TIPARP: variants seen among roughly 807,000 people sequenced by gnomAD.
TIPARP encodes the protein protein mono-ADP-ribosyltransferase TIPARP.
In TIPARP, 12 loss-of-function variants were observed where a neutral mutation model predicts 56.5. That is an observed-to-expected ratio of 0.21 (90% CI 0.14 to 0.34). TIPARP has a LOEUF of 0.34. Ranked by LOEUF, TIPARP falls within the 10% of genes least tolerant of loss-of-function variation. TIPARP has a pLI of 1.00. For missense variants in TIPARP, 604 were observed against 781.6 expected (o/e 0.77, Z 2.71); for synonymous variants, 296 against 265.7 (o/e 1.11, Z -1.11).
chr3:156,689,461 C>T (rs1421294497), intron 2 of TIPARP, among the ~76,000 whole-genome samples: 4 of 152,278 alleles, frequency 2.6e-5, no homozygotes, highest in Middle Eastern at 3.4e-3. Context: ...TAATATTTAG[C>T]AGTTGAATGG....
At position 156,693,873 on chromosome 3, in the gene TIPARP, T is replaced by G. The variant is rs564445338; in HGVS notation, c.918-147T>G. Reference sequence around the variant, plus strand: ...CTGTGGAAACAACCGGCAATAAATATGCTTTTACTCCAAGTAAAGCAAGTT... The same window carrying G: ...CTGTGGAAACAACCGGCAATAAATAGGCTTTTACTCCAAGTAAAGCAAGTT... On this transcript the variant is annotated intron_variant, in intron 2 of 5. Coordinates refer to ENST00000295924, the MANE Select transcript of TIPARP (RefSeq NM_015508.5). The G allele has an allele frequency of 1.3e-4, 121 of 914,886 alleles. No individual in the cohort carries two copies. In the African/African-American group the frequency reaches 1.8e-3, roughly 13 times the overall value. 56.7% of individuals were successfully genotyped at this position (914,886 alleles called of 1,614,324 possible).
At chr3:156,700,877 G>C (rs1311487647) in intron 4 of TIPARP, among the ~76,000 whole-genome samples, 1 of 152,210 alleles carries the variant, frequency 6.6e-6, no homozygotes, top group Admixed American at 6.5e-5. Context: ...TTGTGTAGAA[G>C]CTCAATTCCC....
intron 3 of TIPARP, 39 bp from the exon 4 acceptor site, chr3:156,695,826 C>CT (rs10631452): frequency 0.13 from 130,458 of 971,720 alleles, 603 homozygotes; most frequent in East Asian, 0.15. Context: ...ATTAACTTTC[C>CT]TTTTTTTTTT....
chr3:156,690,051 G>A (rs1722526150), intron 2 of TIPARP, among the ~76,000 whole-genome samples: 1 of 151,936 alleles, frequency 6.6e-6, no homozygotes, highest in Non-Finnish European at 1.5e-5. Context: ...CCAAATTAAT[G>A]TGTCTACTTT....
intron 4 of TIPARP, among the ~76,000 whole-genome samples, chr3:156,700,237 A>T (rs1204639643): frequency 1.3e-5 from 2 of 151,954 alleles, no homozygotes; most frequent in Non-Finnish European, 2.9e-5. Flanking sequence ...CCTCCCAAGT[A>T]GCTGGGACTT....
rs1722068339 is a variant in TIPARP at position 156,674,743 on chromosome 3, G to C, written c.-95G>C. 1 of 152,552 alleles carries C rather than the reference G, an allele frequency of 6.6e-6. No homozygotes were observed. Among genetic ancestry groups the C allele is most frequent in the Admixed American group, 6.5e-5 (1 of 15,290 alleles). 9.4% of individuals were successfully genotyped at this position (152,552 alleles called of 1,614,324 possible). A position where few individuals can be genotyped will look rare whatever the true frequency, so the allele number is the denominator to read the frequency against. ...CGCCCTCGGCGCTGATCTCCGGCGC[G>C]GGCACTGCTTTCCACTCGGCTCCTG... On this transcript the variant is annotated 5_prime_UTR_variant, in exon 1 of 6. Transcript: ENST00000295924.
chr3:156,703,321 A>C, intron 4 of TIPARP, 103 bp from the exon 5 acceptor site: 1 of 1,217,984 alleles, frequency 8.2e-7, no homozygotes, highest in Non-Finnish European at 1.1e-6. Flanking sequence ...CACTTAAGCT[A>C]TACAGATTAT....
At chr3:156,675,584 C>T (rs1401250435) in intron 1 of TIPARP, 1 of 152,302 alleles carries the variant, frequency 6.6e-6, no homozygotes, top group Non-Finnish European at 1.5e-5. Flanking sequence ...CGGGCGGCGC[C>T]TCAGCTGCAC....
chr3:156,682,562 T>TA (rs1416338260), intron 2 of TIPARP, among the ~76,000 whole-genome samples: 1 of 152,250 alleles, frequency 6.6e-6, no homozygotes, highest in Non-Finnish European at 1.5e-5. Context: ...CATATACTGT[T>TA]ACAGTCCCTA....
At chr3:156,704,223 C>T (rs928416480) in intron 5 of TIPARP, among the ~76,000 whole-genome samples, 1 of 152,170 alleles carries the variant, frequency 6.6e-6, no homozygotes, top group Non-Finnish European at 1.5e-5. Context: ...GCTTACTTTG[C>T]TGCAGGTCAT....
chr3:156,704,978 G>A lies in TIPARP; in HGVS notation c.1821G>A (p.Pro607=), dbSNP rs370438778. Residue 607 remains proline, a synonymous_variant, in exon 6 of 6, where the codon CCG becomes CCA. Coordinates refer to ENST00000295924, the MANE Select transcript of TIPARP (RefSeq NM_015508.5). ...TMGSHGMRRP[P]PVNPGSVTSD... ...GCAGTCATGGCATGAGAAGGCCCCC[G>A]CCAGTCAATCCTGGCAGTGTCACCA... The A allele has an allele frequency of 2.4e-5, 39 of 1,614,212 alleles. No homozygotes were observed. Among genetic ancestry groups the A allele is most frequent in the Non-Finnish European group, 3.1e-5 (36 of 1,180,032 alleles).
chr3:156,702,298 C>T (rs1406857419), intron 4 of TIPARP, among the ~76,000 whole-genome samples: 1 of 152,180 alleles, frequency 6.6e-6, no homozygotes, highest in Non-Finnish European at 1.5e-5. Context: ...ATTATTTAAT[C>T]TCTCTAAACC....
rs1370589078 is a variant in TIPARP, at chr3:156,703,559, C to T, written c.1383C>T (p.Asp461=). Residue 461 remains aspartate (D), a synonymous_variant, in exon 5 of 6, where the codon GAC becomes GAT. Coordinates refer to ENST00000295924, the MANE Select transcript of TIPARP (RefSeq NM_015508.5). Reference sequence around the variant, plus strand: ...GGGTTTATATGCATCCATCTCAGGACTTCATCCAAGTCCCTGTTTCTGCAG... The same window carrying T: ...GGGTTTATATGCATCCATCTCAGGATTTCATCCAAGTCCCTGTTTCTGCAG... ...ETWVYMHPSQ[D]FIQVPVSAED... 1.2e-6 allele frequency: 2 copies of T among 1,614,214 alleles called. No individual in the cohort carries two copies. The highest frequency in any genetic ancestry group is 1.7e-5 in the Admixed American group (1 of 60,014).
At chr3:156,684,660 G>T (rs570942698) in intron 2 of TIPARP, among the ~76,000 whole-genome samples, 1 of 152,160 alleles carries the variant, frequency 6.6e-6, no homozygotes, top group Non-Finnish European at 1.5e-5. Context: ...TCGAACTCCC[G>T]ACCTCAGATG....
At chr3:156,682,411 A>G (rs571628431) in intron 2 of TIPARP, among the ~76,000 whole-genome samples, 2 of 152,306 alleles carry the variant, frequency 1.3e-5, no homozygotes, top group East Asian at 1.9e-4. Flanking sequence ...GAGTGTTGTC[A>G]TAGTTTTAGT....
At position 156,695,931 on chromosome 3, in the gene TIPARP, A is replaced by C; in HGVS notation, c.1153A>C (p.Asn385His). 6.2e-7 allele frequency: 1 copy of C among 1,607,334 alleles called. No homozygotes were observed. The highest frequency in any genetic ancestry group is 8.5e-7 in the Non-Finnish European group (1 of 1,178,260). ...GAAAGAGGTTCGATTTATGATGTGG[A>C]ATAACCACTACATCCTCCACAATTC... ...GLKEVRFMMW[N>H]NHYILHNSFF... The change falls in exon 4 of 6, where the codon AAT (asparagine) becomes CAT (histidine). Residue 385 changes from asparagine (N) to histidine (H), a missense_variant. Asn to His is a moderately conservative substitution (Grantham distance 68, BLOSUM62 1). This residue lies in a region of TIPARP where 252 missense variants were observed against 303.9 expected (regional missense o/e 0.83). Coordinates refer to ENST00000295924, the MANE Select transcript of TIPARP (RefSeq NM_015508.5).
chr3:156,692,184 A>G (rs943052162), intron 2 of TIPARP, among the ~76,000 whole-genome samples: 4 of 152,168 alleles, frequency 2.6e-5, no homozygotes, highest in Admixed American at 1.3e-4. Context: ...AAGGGGGAAA[A>G]ATATGTTTAG....
chr3:156,687,943 T>C (rs1322363237), intron 2 of TIPARP, among the ~76,000 whole-genome samples: 1 of 152,218 alleles, frequency 6.6e-6, no homozygotes, highest in Non-Finnish European at 1.5e-5. Context: ...TGATCACTTC[T>C]TCAAGAATTT....
chr3:156,700,353 A>C (rs1722818507), intron 4 of TIPARP, among the ~76,000 whole-genome samples: 1 of 152,024 alleles, frequency 6.6e-6, no homozygotes, highest in Admixed American at 6.6e-5. Flanking sequence ...CCTGTCCTCA[A>C]GCAGTCCTCC....
Sources: allele counts gnomAD v4.1 joint callset (sites outside exome capture counted in the v4.1 genomes callset), GRCh38; gene constraint gnomAD v4.1.1; regional missense constraint gnomAD v4.1.1; transcripts MANE v1.5; gene names NCBI Gene and HGNC (gene_info 2026-07-23, HGNC 2026-07-21).